The following ADCY2 variants were observed in gnomAD, a reference collection of about 807,000 sequenced individuals.
ADCY2 encodes adenylate cyclase type 2.
In ADCY2, 31 loss-of-function variants were observed where a neutral mutation model predicts 125.2. The ratio of observed to expected loss-of-function variants is 0.25; its 90% CI spans 0.19 to 0.33. The LOEUF is 0.33. ADCY2 is among the 10% of genes least tolerant of loss of function. The pLI is 1.00. For synonymous variants in ADCY2, 512 were observed against 548.4 expected (o/e 0.93, Z 0.93); for missense variants, 904 against 1,418.2 (o/e 0.64, Z 5.82).
intron 2 of ADCY2, among the ~76,000 whole-genome samples, chr5:7,490,410 A>G (rs1306863307): frequency 6.6e-6 from 1 of 152,178 alleles, no homozygotes; most frequent in Non-Finnish European, 1.5e-5. Context: ...GAAACAATGC[A>G]TGAACAGAGA....
At chr5:7,795,945 T>C (rs960870048) in intron 20 of ADCY2, 2 of 152,158 alleles carry the variant, frequency 1.3e-5, no homozygotes, top group Non-Finnish European at 2.9e-5. Flanking sequence ...GCACATGCTG[T>C]TGGGAAAATG....
chr5:7,530,881 C>A (rs1006696117), intron 3 of ADCY2, among the ~76,000 whole-genome samples: 11 of 152,146 alleles, frequency 7.2e-5, no homozygotes, highest in Non-Finnish European at 1.6e-4. Context: ...CCTTCCCTGC[C>A]TGGCAAACTC....
At chr5:7,699,333 G>T (rs1014579613) in intron 7 of ADCY2, among the ~76,000 whole-genome samples, 5 of 151,410 alleles carry the variant, frequency 3.3e-5, no homozygotes, top group African/African-American at 1.2e-4. Context: ...TCCTGATCTC[G>T]TGATCCGCCC....
chr5:7,735,790 G>A (rs1430389436), intron 14 of ADCY2, among the ~76,000 whole-genome samples: 1 of 151,624 alleles, frequency 6.6e-6, no homozygotes, highest in Non-Finnish European at 1.5e-5. Flanking sequence ...ACTTTTTTTT[G>A]TGATGTCTTT....
chr5:7,407,205 AT>A (rs1272473558), intron 1 of ADCY2, among the ~76,000 whole-genome samples: 2 of 152,226 alleles, frequency 1.3e-5, no homozygotes, highest in Non-Finnish European at 2.9e-5. Flanking sequence ...AAAAAGAAGA[AT>A]AATTATCTCC....
At chr5:7,548,216 CT>C (rs1324176379) in intron 3 of ADCY2, among the ~76,000 whole-genome samples, 6 of 151,774 alleles carry the variant, frequency 4.0e-5, no homozygotes, top group African/African-American at 1.5e-4. Context: ...TGAACTATTT[CT>C]TTTTAAATTA....
At chr5:7,444,282 T>A (rs1178706735) in intron 2 of ADCY2, among the ~76,000 whole-genome samples, 3 of 151,668 alleles carry the variant, frequency 2.0e-5, no homozygotes, top group Admixed American at 6.6e-5. Flanking sequence ...CCTGGTTAAT[T>A]TTTTTTGTAT....
In ADCY2 at chr5:7,773,018, G is replaced by A; in HGVS notation, c.2301G>A (p.Met767Ile). 1.1e-5 allele frequency: 18 copies of A among 1,614,140 alleles called. No homozygotes were observed. The highest frequency in any genetic ancestry group is 1.5e-5 in the Non-Finnish European group (18 of 1,180,026). The change falls in exon 18 of 25, where the codon ATG becomes ATA. Residue 767 changes from methionine to isoleucine, a missense_variant. By Grantham distance (10) the Met-to-Ile change is conservative. Around this residue, in one of 7 missense-constraint regions of ADCY2, gnomAD observed 221 missense variants for 246.2 expected, o/e 0.90. Coordinates refer to ENST00000338316, the MANE Select transcript of ADCY2 (RefSeq NM_020546.3). The part of the protein sequence containing the change: ...VNYELKMLIM[M>I]VALVGYNTIL... ...ATGAGCTGAAGATGTTGATCATGAT[G>A]GTGGCCTTGGTGGGCTACAACACCA...
At chr5:7,740,449 G>A (rs1742375697) in intron 14 of ADCY2, among the ~76,000 whole-genome samples, 1 of 152,042 alleles carries the variant, frequency 6.6e-6, no homozygotes, top group East Asian at 1.9e-4. Flanking sequence ...GCCCATTAGG[G>A]ATTTGACTAA....
chr5:7,666,060 G>T (rs563261450), intron 4 of ADCY2, among the ~76,000 whole-genome samples: 2 of 151,124 alleles, frequency 1.3e-5, no homozygotes, highest in Non-Finnish European at 3.0e-5. Flanking sequence ...GGATGGTCTC[G>T]ATCTCCTGAC....
At position 7,709,896 on chromosome 5, in the gene ADCY2, A is replaced by G. The variant is rs1270489817; in HGVS notation, c.1578+509A>G. The stretch of plus-strand genomic sequence containing the variant: ...TGAGAAAGCTCCTTACACCAGGGAC[A>G]TCTGCGATAAGATGGCTGCAATGGA... On this transcript the variant is annotated intron_variant, in intron 10 of 24. Coordinates refer to ENST00000338316, the MANE Select transcript of ADCY2 (RefSeq NM_020546.3). The surrounding 1 kb of genome is among the most constrained non-coding windows in gnomAD (Gnocchi z 4.4). Among the ~76,000 whole-genome samples, 1 of 152,200 alleles carries G rather than the reference A, an allele frequency of 6.6e-6. No homozygotes were observed. Among genetic ancestry groups the G allele is most frequent in the Admixed American group, 6.5e-5 (1 of 15,276 alleles).
intron 2 of ADCY2, among the ~76,000 whole-genome samples, chr5:7,431,655 A>G (rs1740606967): frequency 6.6e-6 from 1 of 151,938 alleles, no homozygotes; most frequent in Admixed American, 6.6e-5. Context: ...ACAGGCAGGA[A>G]AAAATAGTTG....
intron 12 of ADCY2, among the ~76,000 whole-genome samples, chr5:7,719,364 T>G (rs1741691688): frequency 6.6e-6 from 1 of 152,228 alleles, no homozygotes; most frequent in Admixed American, 6.5e-5. Context: ...AGGGAAATTT[T>G]TCAAATGGAA....
rs150120239 is a variant in ADCY2, at chr5:7,599,726, G to A, written c.571-26441G>A. The stretch of plus-strand genomic sequence containing the variant: ...ACGATCCTAGAGGGTTTCAAGGTGT[G>A]TGGAGCTAGAGGAGCAGAAGAGTCG... On this transcript the variant is annotated intron_variant, in intron 3 of 24. Coordinates refer to ENST00000338316, the MANE Select transcript of ADCY2 (RefSeq NM_020546.3). Among the ~76,000 whole-genome samples, 229 of 152,288 alleles carry A rather than the reference G, an allele frequency of 1.5e-3. 1 individual carries two copies. The highest frequency in any genetic ancestry group is 5.2e-3 in the African/African-American group (216 of 41,570).
chr5:7,481,772 T>TTGTG (rs35724998), intron 2 of ADCY2, among the ~76,000 whole-genome samples: 33 of 149,946 alleles, frequency 2.2e-4, no homozygotes, highest in African/African-American at 6.1e-4. Flanking sequence ...CCATGCTGAT[T>TTGTG]TGTGTGTGTG....
intron 12 of ADCY2, among the ~76,000 whole-genome samples, chr5:7,722,157 C>G (rs1482133915): frequency 6.6e-6 from 1 of 152,118 alleles, no homozygotes; most frequent in Admixed American, 6.5e-5. Context: ...AGTCGTGTCC[C>G]CAAGCACAGA....
intron 20 of ADCY2, among the ~76,000 whole-genome samples, chr5:7,790,502 G>T (rs187181323): frequency 7.2e-5 from 11 of 152,344 alleles, no homozygotes; most frequent in South Asian, 6.2e-4. Context: ...TGAAGTGCAA[G>T]AGAAAGCAGA....
chr5:7,706,801 G>A lies in ADCY2; in HGVS notation c.1167G>A (p.Gly389=). 1 of 1,614,248 alleles carries A rather than the reference G, an allele frequency of 6.2e-7. No homozygotes were observed. Among genetic ancestry groups the A allele is most frequent in the Non-Finnish European group, 8.5e-7 (1 of 1,180,050 alleles). The change falls in exon 8 of 25, where the codon GGG becomes GGA. Residue 389 remains glycine, a synonymous_variant. Coordinates refer to ENST00000338316, the MANE Select transcript of ADCY2 (RefSeq NM_020546.3). ...ACATGCGCGTGGGCGTGCATTCTGG[G>A]AATGTCCTGTGTGGCGTGATTGGTC... ...DINMRVGVHS[G]NVLCGVIGLQ... is the part of the protein sequence containing the mutation.
intron 3 of ADCY2, among the ~76,000 whole-genome samples, chr5:7,619,030 C>T (rs561272739): frequency 3.9e-5 from 6 of 152,126 alleles, no homozygotes; most frequent in Non-Finnish European, 8.8e-5. Flanking sequence ...CAGGACTATT[C>T]AGTAATTTGG....
Sources: gnomAD v4.1 joint callset for allele counts (sites outside exome capture counted in the v4.1 genomes callset) on GRCh38, gnomAD v4.1.1 for gene constraint, gnomAD v4.1.1 regional missense constraint, Gnocchi (gnomAD v3.1) non-coding constraint, MANE v1.5 for transcripts, NCBI Gene and HGNC (gene_info 2026-07-23, HGNC 2026-07-21) for gene names.